Variants in EVC2 observed in about 807,000 individuals in gnomAD.
EVC2 encodes EvC ciliary complex subunit 2, also known as limbin.
EVC2 carries 148 observed loss-of-function variants against 149.3 expected under a neutral mutation model. The ratio of observed to expected loss-of-function variants is 0.99; its 90% CI spans 0.87 to 1.14. The LOEUF (loss-of-function observed/expected upper bound fraction) is 1.14, where lower values mean the gene tolerates loss of function less well. Ranked by LOEUF, EVC2 falls within the 50% of genes most tolerant of loss-of-function variation. The pLI is 0.00. For missense variants in EVC2, 1,854 were observed against 1,627.3 expected, an observed-to-expected ratio of 1.14 and a Z score of -2.40; for synonymous variants, 776 against 649.9, an observed-to-expected ratio of 1.19 and a Z score of -2.95.
chr4:5,600,183 T>C (rs187480651), intron 16 of EVC2, among the ~76,000 whole-genome samples: 214 of 152,318 alleles, frequency 1.4e-3, no homozygotes, highest in African/African-American at 4.9e-3. Flanking sequence ...TTAACCTGTC[T>C]GAGTCTCAGT....
chr4:5,593,972 C>G (rs1395665459), intron 16 of EVC2, among the ~76,000 whole-genome samples: 1 of 152,220 alleles, frequency 6.6e-6, no homozygotes, highest in Non-Finnish European at 1.5e-5. Flanking sequence ...TGATTGCTAG[C>G]ACGGCAGTCT....
At chr4:5,597,628 A>G (rs1020853818) in intron 16 of EVC2, among the ~76,000 whole-genome samples, 2 of 150,156 alleles carry the variant, frequency 1.3e-5, no homozygotes, top group Non-Finnish European at 3.0e-5. Context: ...ATGGGCAAAA[A>G]CTGGAAACAT....
chr4:5,624,268 GGA>G (rs1367553987), intron 13 of EVC2, among the ~76,000 whole-genome samples: 1 of 152,128 alleles, frequency 6.6e-6, no homozygotes, highest in Non-Finnish European at 1.5e-5. Flanking sequence ...GGTTCTATTT[GGA>G]GAGAACATAA....
chr4:5,691,831 T>G (rs569541523), intron 3 of EVC2, among the ~76,000 whole-genome samples: 1 of 152,190 alleles, frequency 6.6e-6, no homozygotes. Flanking sequence ...AGCCCTGCAA[T>G]GGCTCCTACG....
At chr4:5,563,168 G>A (rs1722064939) in intron 21 of EVC2, 53 bp from the exon 22 acceptor site, 1 of 1,542,364 alleles carries the variant, frequency 6.5e-7, no homozygotes, top group Non-Finnish European at 8.9e-7. Flanking sequence ...GAACCCTCTG[G>A]AGTGTTCTGA....
At chr4:5,674,308 C>T (rs1719854449) in intron 7 of EVC2, among the ~76,000 whole-genome samples, 1 of 152,198 alleles carries the variant, frequency 6.6e-6, no homozygotes, top group African/African-American at 2.4e-5. Flanking sequence ...GAGTAGAGAA[C>T]ACATCACACA....
chr4:5,535,165 C>T, the EVC2 span, among the ~76,000 whole-genome samples: 16 of 152,122 alleles, frequency 1.1e-4, no homozygotes, highest in Non-Finnish European at 2.4e-4. The surrounding 1 kb of genome is among the most constrained non-coding windows in gnomAD (Gnocchi z 4.7). Context: ...GACCGCCCAT[C>T]GCCATCTCCA....
intron 14 of EVC2, among the ~76,000 whole-genome samples, chr4:5,619,222 A>G (rs1462619043): frequency 6.6e-6 from 1 of 152,200 alleles, no homozygotes; most frequent in Non-Finnish European, 1.5e-5. Flanking sequence ...GTGGCTCCCA[A>G]AAAGATATAT....
intron 13 of EVC2, among the ~76,000 whole-genome samples, chr4:5,623,865 G>A (rs1365708059): frequency 6.6e-6 from 1 of 152,178 alleles, no homozygotes; most frequent in Non-Finnish European, 1.5e-5. Flanking sequence ...CCTTTCAGAA[G>A]AGTTGTGAAG....
At chr4:5,568,670 C>A in intron 19 of EVC2, 30 bp from the exon 20 acceptor site, 1 of 1,592,050 alleles carries the variant, frequency 6.3e-7, no homozygotes, top group Non-Finnish European at 8.5e-7. Flanking sequence ...GAGTTCAGAC[C>A]CTCGCCGCCT....
At chr4:5,658,636 C>T (rs58851508) in intron 9 of EVC2, among the ~76,000 whole-genome samples, 1 of 152,060 alleles carries the variant, frequency 6.6e-6, no homozygotes, top group Admixed American at 6.5e-5. Context: ...TTCTTTGACT[C>T]TGAAAAAATC....
Position 5,631,953 on chromosome 4 carries a change from T to C in EVC2, c.1550A>G (p.Gln517Arg). The change falls in exon 11 of 22, where the codon CAA (glutamine) becomes CGA (arginine). Residue 517 changes from glutamine (Q) to arginine (R), a missense_variant. Coordinates refer to ENST00000344408, the MANE Select transcript of EVC2 (RefSeq NM_147127.5). ...QEHLRKSLAL[Q>R]QEEDFAKAHR... ...AGCTTTGGCAAAGTCTTCTTCTTGT[T>C]GCAAAGCGAGAGACTTCCTCAAGTG... 1 of 1,614,254 alleles carries C rather than the reference T, an allele frequency of 6.2e-7. No homozygotes were observed. Among genetic ancestry groups the C allele is most frequent in the Non-Finnish European group, 8.5e-7 (1 of 1,180,052 alleles).
chr4:5,695,802 C>T (rs1721437794), intron 2 of EVC2, among the ~76,000 whole-genome samples: 1 of 152,050 alleles, frequency 6.6e-6, no homozygotes, highest in African/African-American at 2.4e-5. Flanking sequence ...TCTTTCTTAC[C>T]CAGCATATTG....
chr4:5,650,723 C>G (rs1394201509), intron 9 of EVC2, among the ~76,000 whole-genome samples: 1 of 149,148 alleles, frequency 6.7e-6, no homozygotes, highest in Non-Finnish European at 1.5e-5. Context: ...TAACATCTCT[C>G]TTACAGGTAA....
rs1462401539 is a variant in EVC2, at chr4:5,685,534, G to A, written c.707-55C>T. 6.9e-6 allele frequency: 10 copies of A among 1,441,258 alleles called. No individual in the cohort carries two copies. The African/African-American group carries it at 1.3e-4, about 18-fold the overall frequency. The allele number at this position is 1,441,258 out of a possible 1,614,324, so 89.3% of individuals were successfully genotyped here. A position where few individuals can be genotyped will look rare whatever the true frequency, so the allele number is the denominator to read the frequency against. On this transcript the variant is annotated intron_variant, in intron 5 of 21. Coordinates refer to ENST00000344408, the MANE Select transcript of EVC2 (RefSeq NM_147127.5). ...GGAGGGCTTGGCCACGCCCCCGGCT[G>A]CACCCCACCACACCCCAGACACATC... is the stretch of plus-strand genomic sequence containing the variant.
rs1331051515 is a variant in EVC2 at position 5,618,148 on chromosome 4, G to C, written c.2706+330C>G. ...TCAGTCATTAGCTGTGGCTGGAGGA[G>C]GGGGCAGGAGAGACAGAGTAATATC... is the stretch of plus-strand genomic sequence containing the variant. On this transcript the variant is annotated intron_variant, in intron 15 of 21. Coordinates refer to ENST00000344408, the MANE Select transcript of EVC2 (RefSeq NM_147127.5). The surrounding 1 kb of genome is among the most constrained non-coding windows in gnomAD (Gnocchi z 4.4). 6.6e-6 allele frequency among the ~76,000 whole-genome samples: 1 copy of C among 152,198 alleles called. No homozygotes were observed. The highest frequency in any genetic ancestry group is 1.9e-4 in the East Asian group (1 of 5,194).
At chr4:5,575,981 G>C (rs1020974801) in intron 18 of EVC2, among the ~76,000 whole-genome samples, 11 of 152,176 alleles carry the variant, frequency 7.2e-5, no homozygotes, top group Admixed American at 1.3e-4. Context: ...GCAACTTCTT[G>C]TGAGTCTATA....
intron 21 of EVC2, among the ~76,000 whole-genome samples, chr4:5,555,934 C>T (rs557282816): frequency 2.6e-5 from 4 of 152,104 alleles, no homozygotes; most frequent in Admixed American, 1.3e-4. Flanking sequence ...AATCCCAGCA[C>T]TTTGGGAGGC....
At position 5,708,357 on chromosome 4, in the gene EVC2, C is replaced by A; in HGVS notation, c.157G>T (p.Ala53Ser). The A allele has an allele frequency of 6.7e-7, 1 of 1,485,936 alleles. No homozygotes were observed. The highest frequency in any genetic ancestry group is 2.2e-5 in the Admixed American group (1 of 44,704). The allele number at this position is 1,485,936 out of a possible 1,614,324, so 92.0% of individuals were successfully genotyped here. The part of the protein sequence containing the change: ...GAQPPRDPQV[A>S]PRSGPGLRIP... ...CTCAGGCCGGGCCCAGACCTAGGAG[C>A]CACCTGGGGATCCCGGGGTGGCTGC... The change falls in exon 1 of 22, where the codon GCT becomes TCT. Residue 53 changes from alanine (A) to serine (S), a missense_variant. Coordinates refer to ENST00000344408, the MANE Select transcript of EVC2 (RefSeq NM_147127.5).
Sources: gnomAD v4.1 joint callset for allele counts (sites outside exome capture counted in the v4.1 genomes callset) on GRCh38, gnomAD v4.1.1 for gene constraint, Gnocchi (gnomAD v3.1) non-coding constraint, MANE v1.5 for transcripts, NCBI Gene and HGNC (gene_info 2026-07-23, HGNC 2026-07-21) for gene names.